The following MAF variants were observed in gnomAD, a reference collection of about 807,000 sequenced individuals.
MAF encodes MAF bZIP transcription factor.
Under a neutral mutation model 22.0 loss-of-function variants are expected in MAF, and 10 were observed. The observed-to-expected ratio is 0.45, with a 90% CI of 0.28 to 0.77. MAF has a LOEUF of 0.77. Ranked by LOEUF, MAF falls within the 30% of genes least tolerant of loss-of-function variation. The probability of loss-of-function intolerance (pLI) is 0.12; values close to 1 mark genes in which losing one functional copy is unlikely to be tolerated. For synonymous variants in MAF, 337 were observed against 255.8 expected, an observed-to-expected ratio of 1.32 and a Z score of -3.03; for missense variants, 544 against 548.4, an observed-to-expected ratio of 0.99 and a Z score of 0.08.
rs1913669566 is a variant in MAF, at chr16:79,598,087, C to T, written c.1118+698G>A. ...CGATGGAACTCGGCACGCTGCAAGT[C>T]TATAACATTTCACATTTTTTTTTCC... On this transcript the variant is annotated intron_variant, in intron 1 of 1. Transcript: ENST00000326043. 2.9e-6 allele frequency: 3 copies of T among 1,041,238 alleles called. No individual in the cohort carries two copies. In the South Asian group the frequency reaches 1.4e-4, roughly 48 times the overall value. 64.5% of individuals were successfully genotyped at this position (1,041,238 alleles called of 1,614,324 possible).
the MAF span, among the ~76,000 whole-genome samples, chr16:79,384,156 AGTGATGGCC>A: frequency 6.6e-6 from 1 of 152,168 alleles, no homozygotes; most frequent in African/African-American, 2.4e-5. Context: ...TTTAAAAAAA[AGTGATGGCC>A]GGGGGTGGTG....
chr16:79,336,645 A>G, the MAF span, among the ~76,000 whole-genome samples: 1 of 152,244 alleles, frequency 6.6e-6, no homozygotes, highest in Admixed American at 6.5e-5. Flanking sequence ...CAACACAGGA[A>G]GGTTAAATAA....
chr16:79,245,089 T>C, the MAF span, among the ~76,000 whole-genome samples: 2 of 152,068 alleles, frequency 1.3e-5, no homozygotes, highest in South Asian at 2.1e-4. Context: ...AAGACTTAAA[T>C]GTAAGACCTA....
the MAF span, among the ~76,000 whole-genome samples, chr16:79,217,696 G>A: frequency 2.0e-5 from 3 of 152,142 alleles, no homozygotes; most frequent in African/African-American, 7.2e-5. Flanking sequence ...CTCTCCCTAA[G>A]TTTCTTTCAA....
chr16:79,473,091 T>A, the MAF span, among the ~76,000 whole-genome samples: 3 of 152,094 alleles, frequency 2.0e-5, no homozygotes, highest in African/African-American at 7.2e-5. Flanking sequence ...GACATGGAAC[T>A]GGGGATGCCT....
the MAF span, among the ~76,000 whole-genome samples, chr16:79,208,972 T>G: frequency 6.6e-6 from 1 of 152,172 alleles, no homozygotes; most frequent in African/African-American, 2.4e-5. Flanking sequence ...GAAGGAGAAT[T>G]TGCCAAAGGT....
At chr16:79,334,170 T>G in the MAF span, among the ~76,000 whole-genome samples, 1 of 152,184 alleles carries the variant, frequency 6.6e-6, no homozygotes, top group Non-Finnish European at 1.5e-5. Flanking sequence ...GCTTTATTCC[T>G]AAAGCTGAGA....
chr16:79,560,290 T>C, the MAF span, among the ~76,000 whole-genome samples: 5 of 151,984 alleles, frequency 3.3e-5, no homozygotes, highest in African/African-American at 4.8e-5. Flanking sequence ...GGTTAAATCA[T>C]GAAGTGAAAA....
At chr16:79,554,785 G>T in the MAF span, among the ~76,000 whole-genome samples, 1 of 152,102 alleles carries the variant, frequency 6.6e-6, no homozygotes, top group East Asian at 1.9e-4. Flanking sequence ...AATTGTATGG[G>T]CATCACGTGT....
the MAF span, among the ~76,000 whole-genome samples, chr16:79,444,374 A>T: frequency 2.0e-5 from 3 of 152,340 alleles, no homozygotes; most frequent in South Asian, 6.2e-4. Context: ...AAATTAAAAT[A>T]TTAAGAAAAA....
the MAF span, among the ~76,000 whole-genome samples, chr16:79,331,404 G>T: frequency 6.6e-6 from 1 of 152,176 alleles, no homozygotes; most frequent in Admixed American, 6.5e-5. Context: ...ACTGAAACAA[G>T]TATTTCTTAA....
At chr16:79,579,786 CATGGCAAACATGGGA>C in the MAF span, among the ~76,000 whole-genome samples, 2 of 152,082 alleles carry the variant, frequency 1.3e-5, no homozygotes, top group Admixed American at 1.3e-4. Flanking sequence ...ATTGTTTAAC[CATGGCAAACATGGGA>C]AGGTGCCTTT....
chr16:79,495,821 A>G, the MAF span, among the ~76,000 whole-genome samples: 810 of 152,278 alleles, frequency 5.3e-3, 5 homozygotes, highest in African/African-American at 0.018. Context: ...CAAATATTTG[A>G]GCACCAGCCA....
the MAF span, among the ~76,000 whole-genome samples, chr16:79,236,370 G>A: frequency 6.6e-5 from 10 of 151,954 alleles, no homozygotes; most frequent in African/African-American, 1.4e-4. Flanking sequence ...GCTCCTGTAC[G>A]TCCTCCAAGA....
chr16:79,339,029 G>A, the MAF span, among the ~76,000 whole-genome samples: 1 of 151,260 alleles, frequency 6.6e-6, no homozygotes, highest in South Asian at 2.1e-4. Flanking sequence ...ATTACTTCTG[G>A]GTCAAGGCTT....
the MAF span, among the ~76,000 whole-genome samples, chr16:79,238,558 C>G: frequency 6.6e-6 from 1 of 151,896 alleles, no homozygotes; most frequent in Non-Finnish European, 1.5e-5. Context: ...ACATCTGAAG[C>G]CTAAAGTCTC....
At chr16:79,414,144 G>C in the MAF span, among the ~76,000 whole-genome samples, 1 of 152,168 alleles carries the variant, frequency 6.6e-6, no homozygotes, top group Non-Finnish European at 1.5e-5. Context: ...CATTGGCTGA[G>C]CTCTTGTTCT....
chr16:79,327,226 G>A, the MAF span, among the ~76,000 whole-genome samples: 3 of 152,224 alleles, frequency 2.0e-5, no homozygotes, highest in Admixed American at 1.3e-4. Context: ...AGGGAGACCA[G>A]TTCGGTAGTG....
At chr16:79,567,204 G>C in the MAF span, among the ~76,000 whole-genome samples, 188 of 152,258 alleles carry the variant, frequency 1.2e-3, no homozygotes, top group Non-Finnish European at 2.5e-3. Flanking sequence ...TGTAATCCCA[G>C]CTACTTGGGA....
Sources: gnomAD v4.1 joint callset for allele counts (sites outside exome capture counted in the v4.1 genomes callset) on GRCh38, gnomAD v4.1.1 for gene constraint, MANE v1.5 for transcripts, NCBI Gene and HGNC (gene_info 2026-07-23, HGNC 2026-07-21) for gene names.